Variants in FAM168A observed in about 807,000 individuals in gnomAD.
The protein encoded by FAM168A is family with sequence similarity 168 member A.
FAM168A carries 3 observed loss-of-function variants against 28.5 expected under a neutral mutation model. The observed-to-expected ratio is 0.11, with a 90% confidence interval of 0.05 to 0.27. The LOEUF (loss-of-function observed/expected upper bound fraction) is 0.27. Ranked by LOEUF, FAM168A falls within the 10% of genes least tolerant of loss-of-function variation. The pLI is 1.00. For synonymous variants in FAM168A, 122 were observed against 124.2 expected (o/e 0.98, Z 0.12); for missense variants, 222 against 311.5 (o/e 0.71, Z 2.16).
At chr11:73,498,321 C>G (rs1010948585) in intron 1 of FAM168A, among the ~76,000 whole-genome samples, 1 of 152,180 alleles carries the variant, frequency 6.6e-6, no homozygotes, top group Non-Finnish European at 1.5e-5. Flanking sequence ...GAAGGGGACC[C>G]CCCCTTCCCC....
intron 2 of FAM168A, among the ~76,000 whole-genome samples, chr11:73,439,374 T>C (rs905130795): frequency 2.0e-5 from 3 of 152,114 alleles, no homozygotes; most frequent in African/African-American, 7.2e-5. Flanking sequence ...AGCATACCTA[T>C]CCAGGTTAAA....
chr11:73,489,156 T>C (rs1012946013), intron 1 of FAM168A, among the ~76,000 whole-genome samples: 1 of 152,074 alleles, frequency 6.6e-6, no homozygotes, highest in Non-Finnish European at 1.5e-5. Flanking sequence ...TGGGATTACA[T>C]AGGTGTGAGC....
intron 1 of FAM168A, among the ~76,000 whole-genome samples, chr11:73,491,982 G>T (rs975240622): frequency 6.6e-6 from 1 of 152,196 alleles, no homozygotes; most frequent in Non-Finnish European, 1.5e-5. Context: ...CTTTGTGAAT[G>T]TTAGTTAAAT....
At chr11:73,556,175 G>T (rs3103924) in intron 1 of FAM168A, among the ~76,000 whole-genome samples, 152,116 of 152,116 alleles carry the variant, frequency 1, 76,058 homozygotes, top group Non-Finnish European at 1. Flanking sequence ...TGAAACCCTG[G>T]TTCTACCAAA....
chr11:73,550,825 T>C (rs1943818975), intron 1 of FAM168A, among the ~76,000 whole-genome samples: 1 of 149,448 alleles, frequency 6.7e-6, no homozygotes, highest in Admixed American at 6.6e-5. Context: ...AAAGGAGAAT[T>C]TGGCCAGGCA....
intron 1 of FAM168A, among the ~76,000 whole-genome samples, chr11:73,538,432 T>C (rs377017158): frequency 1.3e-5 from 2 of 151,584 alleles, no homozygotes; most frequent in African/African-American, 4.9e-5. Context: ...AGGATTGAAA[T>C]AGCCAAAATG....
intron 2 of FAM168A, among the ~76,000 whole-genome samples, chr11:73,435,162 A>G (rs971440870): frequency 6.6e-6 from 1 of 152,214 alleles, no homozygotes; most frequent in Non-Finnish European, 1.5e-5. Context: ...ATCCTTTCCA[A>G]TTCCAAAGAA....
chr11:73,515,771 T>C (rs1943295806), intron 1 of FAM168A, among the ~76,000 whole-genome samples: 2 of 151,998 alleles, frequency 1.3e-5, no homozygotes, highest in Admixed American at 1.3e-4. Flanking sequence ...AGGACAAGTA[T>C]CATGAAAGAG....
chr11:73,550,983 C>T (rs1011109157), intron 1 of FAM168A, among the ~76,000 whole-genome samples: 7 of 151,840 alleles, frequency 4.6e-5, no homozygotes, highest in Non-Finnish European at 1.0e-4. Context: ...CGGTGATGGG[C>T]GCCTGTTGTC....
intron 1 of FAM168A, among the ~76,000 whole-genome samples, chr11:73,560,836 G>C (rs1163421079): frequency 6.6e-6 from 1 of 152,122 alleles, no homozygotes; most frequent in Admixed American, 6.5e-5. Context: ...GCCAAGGCGG[G>C]CACATAGCCT....
At chr11:73,593,753 T>C (rs80098839) in intron 1 of FAM168A, among the ~76,000 whole-genome samples, 2,344 of 152,340 alleles carry the variant, frequency 0.015, 59 homozygotes, top group African/African-American at 0.054. Context: ...ATGCTTTCCA[T>C]TGATTATCTT....
At chr11:73,410,212 C>T (rs540067941) in intron 5 of FAM168A, among the ~76,000 whole-genome samples, 17 of 152,152 alleles carry the variant, frequency 1.1e-4, no homozygotes, top group Admixed American at 2.0e-4. Flanking sequence ...TCGAGACCAG[C>T]CCGACCAGCA....
intron 1 of FAM168A, among the ~76,000 whole-genome samples, chr11:73,510,247 A>C (rs559084881): frequency 1.3e-5 from 2 of 152,250 alleles, no homozygotes; most frequent in African/African-American, 4.8e-5. Context: ...ATTATGCAAA[A>C]CCTGATAATA....
chr11:73,532,458 T>TGG (rs1198092550), intron 1 of FAM168A, among the ~76,000 whole-genome samples: 1 of 152,210 alleles, frequency 6.6e-6, no homozygotes, highest in East Asian at 1.9e-4. Flanking sequence ...AAATCCTTCC[T>TGG]GGGGTCTAGA....
rs541964480 is a variant in FAM168A at position 73,404,480 on chromosome 11, G to A, written c.*2283C>T. 3 of 152,250 alleles carry A rather than the reference G, an allele frequency of 2.0e-5. No homozygotes were observed. The highest frequency in any genetic ancestry group is 7.2e-5 in the African/African-American group (3 of 41,562). 9.4% of individuals were successfully genotyped at this position (152,250 alleles called of 1,614,324 possible). On this transcript the variant is annotated 3_prime_UTR_variant, in exon 8 of 8. Transcript: ENST00000356467. ...TATTATTTTGGCATTTTTCAAACAC[G>A]TATGACATAATCTAGAACAACCTTC...
intron 6 of FAM168A, among the ~76,000 whole-genome samples, chr11:73,408,251 C>T (rs1866543959): frequency 6.6e-6 from 1 of 152,110 alleles, no homozygotes; most frequent in Non-Finnish European, 1.5e-5. Context: ...GCTGTGTTTC[C>T]CACACTAACC....
chr11:73,533,772 G>A (rs1943543536), intron 1 of FAM168A, among the ~76,000 whole-genome samples: 1 of 152,160 alleles, frequency 6.6e-6, no homozygotes, highest in Non-Finnish European at 1.5e-5. Flanking sequence ...TGACTATTCT[G>A]AAGAGGGTAA....
At chr11:73,497,293 C>T (rs1003724733) in intron 1 of FAM168A, among the ~76,000 whole-genome samples, 21 of 151,954 alleles carry the variant, frequency 1.4e-4, no homozygotes, top group African/African-American at 4.4e-4. Context: ...GGTGAAACCC[C>T]GTCTCTACTA....
chr11:73,587,123 T>C (rs920050892), intron 1 of FAM168A, among the ~76,000 whole-genome samples: 5 of 129,374 alleles, frequency 3.9e-5, no homozygotes, highest in African/African-American at 1.2e-4. Context: ...CAAACTGTAA[T>C]AGTGTCATTG....
Sources: allele counts gnomAD v4.1 joint callset (sites outside exome capture counted in the v4.1 genomes callset), GRCh38; gene constraint gnomAD v4.1.1; transcripts MANE v1.5; gene names NCBI Gene and HGNC (gene_info 2026-07-23, HGNC 2026-07-21).